DMXL2: variants seen among roughly 807,000 people sequenced by gnomAD.
DMXL2 encodes the protein Dmx like 2.
In DMXL2, 103 loss-of-function variants were observed where a neutral mutation model predicts 331.1. The observed-to-expected ratio is 0.31, with a 90% CI of 0.27 to 0.37. The LOEUF is 0.37. Among genes scored for constraint, DMXL2 ranks in the 10% least tolerant of loss-of-function variants. The pLI, the probability that DMXL2 is intolerant of heterozygous loss-of-function variation, is 1.00. For missense variants in DMXL2, 3,171 were observed against 3,642.9 expected (o/e 0.87, Z 3.33); for synonymous variants, 1,281 against 1,252.1 (o/e 1.02, Z -0.49).
At chr15:51,583,106 C>CTTTTTTTTTTTTTTCTTTTTTTTT (rs2051566493) in intron 1 of DMXL2, among the ~76,000 whole-genome samples, 2 of 87,178 alleles carry the variant, frequency 2.3e-5, no homozygotes, top group African/African-American at 4.1e-5. Context: ...CTTCATTCTT[C>CTTTTTTTTTTTTTTCTTTTTTTTT]TTTTTTTTTT....
intron 14 of DMXL2, 104 bp downstream of exon 14, chr15:51,516,974 A>G (rs78226142): frequency 0.018 from 15,923 of 900,560 alleles, 331 homozygotes; most frequent in East Asian, 0.072. Context: ...TCTGCATTTA[A>G]TAACAAACAA....
At chr15:51,520,574 T>C (rs961466839) in intron 13 of DMXL2, among the ~76,000 whole-genome samples, 3 of 152,082 alleles carry the variant, frequency 2.0e-5, no homozygotes, top group Non-Finnish European at 4.4e-5. Flanking sequence ...TAAATGGGAA[T>C]AGGCTGACAC....
chr15:51,499,711 C>T lies in DMXL2; in HGVS notation c.3513G>A (p.Leu1171=). 1 of 1,613,980 alleles carries T rather than the reference C, an allele frequency of 6.2e-7. No homozygotes were observed. The highest frequency in any genetic ancestry group is 8.5e-7 in the Non-Finnish European group (1 of 1,179,994). The change falls in exon 18 of 44, where the codon TTG becomes TTA. Residue 1171 remains leucine, a synonymous_variant. Transcript: ENST00000560891. ...LIPNIKHLVH[L]DWVSKEDGSH... is the part of the protein sequence containing the mutation. ...AGCCATCTTCTTTTGATACCCAGTC[C>T]AAATGTACTAAATGTTTGATATTCG...
chr15:51,457,547 C>T (rs2039739240), intron 36 of DMXL2, 81 bp from the exon 37 acceptor site: 1 of 1,462,596 alleles, frequency 6.8e-7, no homozygotes, highest in Non-Finnish European at 9.3e-7. Context: ...TCTTATGTAC[C>T]CATAGGACAA....
chr15:51,622,667 C>G lies in DMXL2; in HGVS notation c.-122G>C. 2 of 1,442,294 alleles carry G rather than the reference C, an allele frequency of 1.4e-6. No individual in the cohort carries two copies. Among genetic ancestry groups the G allele is most frequent in the Non-Finnish European group, 1.8e-6 (2 of 1,093,096 alleles). 89.3% of individuals were successfully genotyped at this position (1,442,294 alleles called of 1,614,324 possible). The stretch of plus-strand genomic sequence containing the variant: ...CTCGGAAACCCGCCCCGCGGAGGCT[C>G]TGGCTTAACTCCTCGCCCCCCTTTC... On this transcript the variant is annotated 5_prime_UTR_variant, in exon 1 of 44. Transcript: ENST00000560891.
chr15:51,587,940 G>T (rs11639149), intron 1 of DMXL2, among the ~76,000 whole-genome samples: 1 of 152,090 alleles, frequency 6.6e-6, no homozygotes, highest in Non-Finnish European at 1.5e-5. Flanking sequence ...CATTTTTTCA[G>T]ATGTTTTTTG....
chr15:51,568,654 T>C (rs1371252731), intron 2 of DMXL2, 96 bp from the exon 3 acceptor site: 1 of 777,052 alleles, frequency 1.3e-6, no homozygotes, highest in Non-Finnish European at 2.0e-6. Context: ...ACATATAATC[T>C]CAATACAGTA....
chr15:51,476,730 T>C lies in DMXL2; in HGVS notation c.6834-11A>G, dbSNP rs577551247. On this transcript the variant is annotated splice_polypyrimidine_tract_variant and intron_variant, in intron 26 of 43. Coordinates refer to ENST00000560891, the MANE Select transcript of DMXL2 (RefSeq NM_001378457.1). ...CCTTCTGTTTGACTGCTAAAACAAA[T>C]AGGTTCAGTTATTTATCATCCTGAG... 97 of 1,586,948 alleles carry C rather than the reference T, an allele frequency of 6.1e-5. No individual in the cohort carries two copies. Among genetic ancestry groups the C allele is most frequent in the Non-Finnish European group, 7.7e-5 (90 of 1,172,944 alleles).
At chr15:51,472,789 T>C (rs2041243218) in intron 28 of DMXL2, among the ~76,000 whole-genome samples, 1 of 152,206 alleles carries the variant, frequency 6.6e-6, no homozygotes, top group Non-Finnish European at 1.5e-5. Context: ...CCCACAATTA[T>C]CTTTTAAGTG....
chr15:51,614,475 CT>C (rs1355654555), intron 1 of DMXL2, among the ~76,000 whole-genome samples: 1 of 152,198 alleles, frequency 6.6e-6, no homozygotes, highest in Non-Finnish European at 1.5e-5. Flanking sequence ...TCAATTCCTC[CT>C]GATACATTAA....
chr15:51,482,560 C>A (rs1487413224), intron 23 of DMXL2, among the ~76,000 whole-genome samples: 1 of 152,176 alleles, frequency 6.6e-6, no homozygotes, highest in Non-Finnish European at 1.5e-5. Context: ...CAATGAGGAT[C>A]CTGGTGCCCA....
chr15:51,517,014 T>C, intron 14 of DMXL2, 64 bp downstream of exon 14: 1 of 1,252,814 alleles, frequency 8.0e-7, no homozygotes, highest in Non-Finnish European at 1.2e-6. Flanking sequence ...ACATATATCA[T>C]ATACATATAA....
At chr15:51,592,916 A>T (rs551612075) in intron 1 of DMXL2, among the ~76,000 whole-genome samples, 1 of 152,238 alleles carries the variant, frequency 6.6e-6, no homozygotes, top group East Asian at 1.9e-4. Flanking sequence ...TGAAGGAAGC[A>T]CTAAACATGG....
intron 42 of DMXL2, 152 bp from the exon 43 acceptor site, chr15:51,450,498 C>T (rs2141177766): frequency 1.3e-6 from 1 of 752,602 alleles, no homozygotes; most frequent in East Asian, 2.7e-5. Flanking sequence ...TTTCTGTAAT[C>T]ACATGATTAA....
At chr15:51,483,415 A>T (rs903256636) in intron 23 of DMXL2, among the ~76,000 whole-genome samples, 1 of 152,156 alleles carries the variant, frequency 6.6e-6, no homozygotes, top group African/African-American at 2.4e-5. Flanking sequence ...TAGGACCATG[A>T]CTGGCTATGA....
chr15:51,491,778 G>A lies in DMXL2; in HGVS notation c.4784-31C>T, dbSNP rs143971162. 193 of 1,556,782 alleles carry A rather than the reference G, an allele frequency of 1.2e-4. 1 individual carries two copies. The highest frequency in any genetic ancestry group is 8.1e-4 in the East Asian group (35 of 43,368). Reference sequence around the variant, plus strand: ...TTGGAAATATAAAATAATAATCTGCGTAACTGTATCAAATAAGAAGAAAAA... The same window carrying A: ...TTGGAAATATAAAATAATAATCTGCATAACTGTATCAAATAAGAAGAAAAA... On this transcript the variant is annotated intron_variant, in intron 19 of 43. Transcript: ENST00000560891.
At chr15:51,530,730 G>A (rs1420989069) in intron 13 of DMXL2, among the ~76,000 whole-genome samples, 2 of 152,156 alleles carry the variant, frequency 1.3e-5, no homozygotes, top group African/African-American at 2.4e-5. Flanking sequence ...ACTCCAGCCT[G>A]GGTGACAGAG....
intron 2 of DMXL2, among the ~76,000 whole-genome samples, chr15:51,569,412 T>C (rs997570905): frequency 8.5e-5 from 13 of 152,126 alleles, no homozygotes; most frequent in Admixed American, 7.8e-4. Context: ...TCAGCAGACT[T>C]AAACGTCCCT....
At chr15:51,607,731 A>G (rs1341611540) in intron 1 of DMXL2, among the ~76,000 whole-genome samples, 1 of 152,236 alleles carries the variant, frequency 6.6e-6, no homozygotes, top group Non-Finnish European at 1.5e-5. Context: ...GGCAACTAAG[A>G]GAAAAAAATA....
Sources: gnomAD v4.1 joint callset for allele counts (sites outside exome capture counted in the v4.1 genomes callset) on GRCh38, gnomAD v4.1.1 for gene constraint, MANE v1.5 for transcripts, NCBI Gene and HGNC (gene_info 2026-07-23, HGNC 2026-07-21) for gene names.